The following IRF2 variants were observed in gnomAD, a reference collection of about 807,000 sequenced individuals.
The protein encoded by IRF2 is interferon regulatory factor 2.
IRF2 carries 15 observed loss-of-function variants against 40.6 expected under a neutral mutation model. The observed-to-expected ratio is 0.37, with a 90% CI of 0.25 to 0.57. The LOEUF (loss-of-function observed/expected upper bound fraction) is 0.57. Ranked by LOEUF, IRF2 falls within the 20% of genes least tolerant of loss-of-function variation. The pLI, the probability that IRF2 is intolerant of heterozygous loss-of-function variation, is 0.77. For synonymous variants in IRF2, 151 were observed against 165.5 expected, an observed-to-expected ratio of 0.91 and a Z score of 0.67; for missense variants, 317 against 455.7, an observed-to-expected ratio of 0.70 and a Z score of 2.77.
chr4:184,417,047 A>G (rs58131780), intron 5 of IRF2, among the ~76,000 whole-genome samples: 4,339 of 152,220 alleles, frequency 0.029, 203 homozygotes, highest in African/African-American at 0.097. Flanking sequence ...ACTCCATCTC[A>G]GTTTAAAAAA....
chr4:184,405,784 A>G (rs1736832228), intron 6 of IRF2, among the ~76,000 whole-genome samples: 1 of 152,162 alleles, frequency 6.6e-6, no homozygotes, highest in Admixed American at 6.5e-5. Flanking sequence ...GCAGCCAGGG[A>G]GAGAGGGAAG....
At chr4:184,424,941 T>G (rs1374432431) in intron 2 of IRF2, among the ~76,000 whole-genome samples, 3 of 152,206 alleles carry the variant, frequency 2.0e-5, no homozygotes, top group Admixed American at 1.3e-4. Context: ...TTCAAATCCA[T>G]GACATTCATC....
intron 3 of IRF2, among the ~76,000 whole-genome samples, chr4:184,419,185 T>C (rs1051449759): frequency 2.6e-5 from 4 of 152,192 alleles, no homozygotes; most frequent in African/African-American, 9.7e-5. Flanking sequence ...CCAAAGTTTA[T>C]AGCATCAGAA....
chr4:184,474,174 T>G lies in IRF2; in HGVS notation c.-7+205A>C, dbSNP rs1190969542. 2 of 153,300 alleles carry G rather than the reference T, an allele frequency of 1.3e-5. No individual in the cohort carries two copies. Among genetic ancestry groups the G allele is most frequent in the Non-Finnish European group, 2.9e-5 (2 of 68,894 alleles). The allele number at this position is 153,300 out of a possible 1,614,324, so 9.5% of individuals were successfully genotyped here. On this transcript the variant is annotated intron_variant, in intron 1 of 8. Transcript: ENST00000393593. The surrounding 1 kb of genome is among the most constrained non-coding windows in gnomAD (Gnocchi z 5.6). Reference sequence around the variant, plus strand: ...CAGCAGCAACAGCAGCAGAACCTGCTTCCCCTAAAATCAGATGATCCATAA... The same window carrying G: ...CAGCAGCAACAGCAGCAGAACCTGCGTCCCCTAAAATCAGATGATCCATAA...
intron 2 of IRF2, among the ~76,000 whole-genome samples, chr4:184,424,972 T>C (rs941704162): frequency 2.0e-5 from 3 of 152,196 alleles, no homozygotes; most frequent in African/African-American, 4.8e-5. Flanking sequence ...CAGAACAATT[T>C]TGACAGAGGG....
rs1356905179 is a variant in IRF2 at position 184,474,227 on chromosome 4, G to A, written c.-7+152C>T. 3.3e-5 allele frequency: 5 copies of A among 152,306 alleles called. No homozygotes were observed. The highest frequency in any genetic ancestry group is 9.7e-5 in the African/African-American group (4 of 41,354). 9.4% of individuals were successfully genotyped at this position (152,306 alleles called of 1,614,324 possible). On this transcript the variant is annotated intron_variant, in intron 1 of 8. Coordinates refer to ENST00000393593, the MANE Select transcript of IRF2 (RefSeq NM_002199.4). This position sits in a 1 kb window ranked among gnomAD's most constrained non-coding sequence, Gnocchi z 5.6. ...GCGCCGACTGTTCCTCCAAAAATCAGTATTAATATTTATGAACCCCGGCAT... is the reference window on the plus strand; with the variant it reads ...GCGCCGACTGTTCCTCCAAAAATCAATATTAATATTTATGAACCCCGGCAT...
At chr4:184,423,506 G>A (rs1191961123) in intron 2 of IRF2, among the ~76,000 whole-genome samples, 2 of 152,108 alleles carry the variant, frequency 1.3e-5, no homozygotes, top group Non-Finnish European at 2.9e-5. Flanking sequence ...TCCTTACCGT[G>A]GTCAGAGATA....
At position 184,399,094 on chromosome 4, in the gene IRF2, C is replaced by T. The variant is rs765031173; in HGVS notation, c.530-15G>A. 6.4e-7 allele frequency: 1 copy of T among 1,572,422 alleles called. No homozygotes were observed. The highest frequency in any genetic ancestry group is 2.3e-5 in the East Asian group (1 of 43,850). On this transcript the variant is annotated splice_polypyrimidine_tract_variant and intron_variant, in intron 6 of 8. Transcript: ENST00000393593. ...CTGTCCTACAACTTCAAAGAAAAGACAGCCATCATGCAAAGTCTGCTGACC... is the reference window on the plus strand; with the variant it reads ...CTGTCCTACAACTTCAAAGAAAAGATAGCCATCATGCAAAGTCTGCTGACC...
intron 1 of IRF2, among the ~76,000 whole-genome samples, chr4:184,464,022 TATG>T (rs1230959866): frequency 6.6e-6 from 1 of 152,132 alleles, no homozygotes; most frequent in African/African-American, 2.4e-5. Context: ...AGGGAATGCA[TATG>T]ATGCGAAGAT....
Position 184,457,504 on chromosome 4 carries a change from A to G in IRF2, c.-7+16875T>C, listed in dbSNP as rs574844975. On this transcript the variant is annotated intron_variant, in intron 1 of 8. Transcript: ENST00000393593. ...GGGTTTCTTACCTGAATTTGAGCCA[A>G]CTGTCTTTAATTCCTCCTCACTTGA... 8.5e-5 allele frequency among the ~76,000 whole-genome samples: 13 copies of G among 152,362 alleles called. No individual in the cohort carries two copies. The East Asian group carries it at 2.3e-3, about 27-fold the overall frequency.
chr4:184,467,567 C>T (rs1375597141), intron 1 of IRF2, among the ~76,000 whole-genome samples: 1 of 152,198 alleles, frequency 6.6e-6, no homozygotes, highest in East Asian at 1.9e-4. Flanking sequence ...AATTTGTATG[C>T]AGTCCCTCCT....
chr4:184,397,138 C>T (rs921269278), intron 7 of IRF2, among the ~76,000 whole-genome samples: 2 of 152,208 alleles, frequency 1.3e-5, no homozygotes, highest in Admixed American at 6.5e-5. Context: ...TCCTGTTTGA[C>T]AGATTATAAT....
chr4:184,444,217 ATACAG>A (rs1331926046), intron 1 of IRF2, among the ~76,000 whole-genome samples: 2 of 152,176 alleles, frequency 1.3e-5, no homozygotes, highest in Non-Finnish European at 2.9e-5. Flanking sequence ...CTTATCTCAT[ATACAG>A]TATAGTGATA....
chr4:184,442,021 G>A (rs189633541), intron 1 of IRF2, among the ~76,000 whole-genome samples: 220 of 152,220 alleles, frequency 1.4e-3, no homozygotes, highest in Non-Finnish European at 2.7e-3. Flanking sequence ...CCTGGCATCT[G>A]CACTGGGAGC....
intron 1 of IRF2, among the ~76,000 whole-genome samples, chr4:184,455,301 C>CT (rs1238177005): frequency 0.29 from 9,429 of 31,982 alleles, 1,445 homozygotes; most frequent in Admixed American, 0.37. Flanking sequence ...CCTTCTTCTT[C>CT]TTTTTTTTTT....
chr4:184,439,639 G>GA (rs1738225322), intron 1 of IRF2, among the ~76,000 whole-genome samples: 1 of 152,220 alleles, frequency 6.6e-6, no homozygotes, highest in Admixed American at 6.5e-5. Flanking sequence ...TTTCCAGGCT[G>GA]AAAATCATCC....
At chr4:184,436,360 G>A (rs542911510) in intron 1 of IRF2, among the ~76,000 whole-genome samples, 1 of 152,214 alleles carries the variant, frequency 6.6e-6, no homozygotes, top group Non-Finnish European at 1.5e-5. Flanking sequence ...ACTGTGCTGA[G>A]TGCTGTGGGG....
chr4:184,419,850 T>C (rs1737421275), intron 2 of IRF2, among the ~76,000 whole-genome samples: 1 of 152,198 alleles, frequency 6.6e-6, no homozygotes. Context: ...GTTCCATTAT[T>C]TGTGCCTCTT....
chr4:184,459,282 GA>G (rs920707087), intron 1 of IRF2, among the ~76,000 whole-genome samples: 3 of 151,574 alleles, frequency 2.0e-5, no homozygotes, highest in African/African-American at 7.3e-5. Flanking sequence ...AAATACAACA[GA>G]AAAAAAATAA....
Sources: allele counts gnomAD v4.1 joint callset (sites outside exome capture counted in the v4.1 genomes callset), GRCh38; gene constraint gnomAD v4.1.1; non-coding constraint Gnocchi (gnomAD v3.1); transcripts MANE v1.5; gene names NCBI Gene and HGNC (gene_info 2026-07-23, HGNC 2026-07-21).